The following SYPL1 variants were observed in gnomAD, a reference collection of about 807,000 sequenced individuals.
SYPL1 encodes synaptophysin like 1.
In SYPL1, 6 loss-of-function variants were observed where a neutral mutation model predicts 23.7. That is an observed-to-expected ratio of 0.25 (90% CI 0.14 to 0.50). SYPL1 has a LOEUF of 0.50. Among genes scored for constraint, SYPL1 ranks in the 20% least tolerant of loss-of-function variants. SYPL1 has a pLI of 0.98. For synonymous variants in SYPL1, 102 were observed against 104.5 expected, an observed-to-expected ratio of 0.98 and a Z score of 0.15; for missense variants, 253 against 288.9, an observed-to-expected ratio of 0.88 and a Z score of 0.90.
chr7:106,095,288 G>C lies in SYPL1; in HGVS notation c.403-2151C>G, dbSNP rs1247732113. ...CTAAAAGGGCTTGTCCTCATTAATA[G>C]TACCTAAAAATTAATGTCATATTTG... On this transcript the variant is annotated intron_variant, in intron 3 of 4. Transcript: ENST00000455385. The surrounding 1 kb of genome is among the most constrained non-coding windows in gnomAD (Gnocchi z 4.3). 4.0e-5 allele frequency among the ~76,000 whole-genome samples: 6 copies of C among 151,750 alleles called. No homozygotes were observed. Among genetic ancestry groups the C allele is most frequent in the Non-Finnish European group, 8.8e-5 (6 of 67,974 alleles).
rs1839694966 is a variant in SYPL1 at position 106,090,883 on chromosome 7, C to T, written c.*922G>A. On this transcript the variant is annotated 3_prime_UTR_variant, in exon 5 of 5. Coordinates refer to ENST00000455385, the MANE Select transcript of SYPL1 (RefSeq NM_182715.4). ...ATCAATGCTAAACTCAAAATAGCAACTTCATTGACTCTCAATGGTAAATTT... is the reference window on the plus strand; with the variant it reads ...ATCAATGCTAAACTCAAAATAGCAATTTCATTGACTCTCAATGGTAAATTT... 1.3e-5 allele frequency: 2 copies of T among 152,188 alleles called. No individual in the cohort carries two copies. Among genetic ancestry groups the T allele is most frequent in the Non-Finnish European group, 2.9e-5 (2 of 68,026 alleles). The allele number at this position is 152,188 out of a possible 1,614,324, so 9.4% of individuals were successfully genotyped here.
chr7:106,096,042 T>C lies in SYPL1; in HGVS notation c.402+1648A>G, dbSNP rs1486538470. On this transcript the variant is annotated intron_variant, in intron 3 of 4. Coordinates refer to ENST00000455385, the MANE Select transcript of SYPL1 (RefSeq NM_182715.4). This position sits in a 1 kb window ranked among gnomAD's most constrained non-coding sequence, Gnocchi z 4.4. ...AATGGCAAGAAATAGCTTCTAGTTA[T>C]AAAGAATTTTAACAAAATATAATTA... Among the ~76,000 whole-genome samples the C allele has an allele frequency of 6.6e-6, 1 of 152,194 alleles. No individual in the cohort carries two copies. The highest frequency in any genetic ancestry group is 1.9e-4 in the East Asian group (1 of 5,206).
At position 106,112,244 on chromosome 7, in the gene SYPL1, C is replaced by T; in HGVS notation, c.-36G>A. 1.3e-6 allele frequency: 2 copies of T among 1,518,448 alleles called. No individual in the cohort carries two copies. Among genetic ancestry groups the T allele is most frequent in the Non-Finnish European group, 8.9e-7 (1 of 1,123,420 alleles). 94.1% of individuals were successfully genotyped at this position (1,518,448 alleles called of 1,614,324 possible). On this transcript the variant is annotated 5_prime_UTR_variant, in exon 1 of 5. Coordinates refer to ENST00000455385, the MANE Select transcript of SYPL1 (RefSeq NM_182715.4). ...AAGGAGGGAGAGAGAGTCAGGACGACGGGGCGGAGGAGGGGACCGACGAGA... is the reference window on the plus strand; with the variant it reads ...AAGGAGGGAGAGAGAGTCAGGACGATGGGGCGGAGGAGGGGACCGACGAGA...
chr7:106,105,751 G>A (rs1159490899), intron 1 of SYPL1, among the ~76,000 whole-genome samples: 2 of 152,110 alleles, frequency 1.3e-5, no homozygotes, highest in African/African-American at 4.8e-5. Context: ...TGTCAGTACA[G>A]CATGCTGGGT....
rs1175647156 is a variant in SYPL1 at position 106,097,628 on chromosome 7, G to GA, written c.402+61dup. On this transcript the variant is annotated intron_variant, in intron 3 of 4. Coordinates refer to ENST00000455385, the MANE Select transcript of SYPL1 (RefSeq NM_182715.4). This position sits in a 1 kb window ranked among gnomAD's most constrained non-coding sequence, Gnocchi z 4.6. ...CCAAGAATTTTTATTTCCAGTATAAGAAAATCTATATTTAGCTTATACAAA... is the reference window on the plus strand; with the variant it reads ...CCAAGAATTTTTATTTCCAGTATAAGAAAAATCTATATTTAGCTTATACAAA... 6.3e-6 allele frequency: 9 copies of GA among 1,419,752 alleles called. No homozygotes were observed. The African/African-American group carries it at 1.3e-4, about 21-fold the overall frequency. 87.9% of individuals were successfully genotyped at this position (1,419,752 alleles called of 1,614,324 possible). A position where few individuals can be genotyped will look rare whatever the true frequency, so the allele number is the denominator to read the frequency against.
Position 106,109,042 on chromosome 7 carries a change from C to CA in SYPL1, c.69+3097dup, listed in dbSNP as rs1790011848. ...GCAGTTAAAAACAAAAAACCAAAAA[C>CA]AAAAAAGAACAAAAAACCCCCACCA... On this transcript the variant is annotated intron_variant, in intron 1 of 4. Coordinates refer to ENST00000455385, the MANE Select transcript of SYPL1 (RefSeq NM_182715.4). This position sits in a 1 kb window ranked among gnomAD's most constrained non-coding sequence, Gnocchi z 4.3. Among the ~76,000 whole-genome samples the CA allele has an allele frequency of 6.6e-6, 1 of 152,026 alleles. No homozygotes were observed. The highest frequency in any genetic ancestry group is 6.6e-5 in the Admixed American group (1 of 15,266).
Position 106,095,349 on chromosome 7 carries a change from CTT to C in SYPL1, c.403-2214_403-2213del, listed in dbSNP as rs777606094. Among the ~76,000 whole-genome samples, 1 of 144,602 alleles carries C rather than the reference CTT, an allele frequency of 6.9e-6. No homozygotes were observed. The highest frequency in any genetic ancestry group is 2.5e-5 in the African/African-American group (1 of 39,578). The allele number at this position is 144,602 out of a possible 152,430, so 94.9% of individuals were successfully genotyped here. ...AAATTTTGGGTATCTCAAAAAAAACCTTTTTTTTTTTTTCCCCTGAGATGGAG... is the reference window on the plus strand; with the variant it reads ...AAATTTTGGGTATCTCAAAAAAAACCTTTTTTTTTTTCCCCTGAGATGGAG... On this transcript the variant is annotated intron_variant, in intron 3 of 4. Coordinates refer to ENST00000455385, the MANE Select transcript of SYPL1 (RefSeq NM_182715.4). The surrounding 1 kb of genome is among the most constrained non-coding windows in gnomAD (Gnocchi z 4.3).
intron 4 of SYPL1, 91 bp from the exon 5 acceptor site, chr7:106,092,030 T>A: frequency 7.8e-7 from 1 of 1,282,674 alleles, no homozygotes. Flanking sequence ...TTTAAATATT[T>A]AACATTTTTA....
chr7:106,092,485 A>G (rs1186715493), intron 4 of SYPL1: 1 of 249,712 alleles, frequency 4.0e-6, no homozygotes, highest in East Asian at 1.3e-4. Flanking sequence ...AGCCTGGCCA[A>G]TATGGTGAAA....
rs1278660415 is a variant in SYPL1, at chr7:106,099,243, T to C, written c.109A>G (p.Lys37Glu). Residue 37 changes from lysine (K) to glutamate (E), a missense_variant, in exon 2 of 5, where the codon AAG becomes GAG. Physicochemically the swap from Lys to Glu is moderately conservative, Grantham distance 56. Coordinates refer to ENST00000455385, the MANE Select transcript of SYPL1 (RefSeq NM_182715.4). ...IFAFATCGGF[K>E]GQTEIQVNCP... ...TTCACTTGAATTTCTGTTTGGCCCT[T>C]AAAACCTCCACAGGTGGCAAAAGCA... 1 of 1,613,824 alleles carries C rather than the reference T, an allele frequency of 6.2e-7. No homozygotes were observed. Among genetic ancestry groups the C allele is most frequent in the Admixed American group, 1.7e-5 (1 of 59,994 alleles).
chr7:106,104,833 T>G lies in SYPL1; in HGVS notation c.70-5551A>C, dbSNP rs1840510366. Among the ~76,000 whole-genome samples, 1 of 152,228 alleles carries G rather than the reference T, an allele frequency of 6.6e-6. No individual in the cohort carries two copies. The highest frequency in any genetic ancestry group is 1.5e-5 in the Non-Finnish European group (1 of 68,032). On this transcript the variant is annotated intron_variant, in intron 1 of 4. Transcript: ENST00000455385. The surrounding 1 kb of genome is among the most constrained non-coding windows in gnomAD (Gnocchi z 4.1). ...TTCTCCCTATATTCTACTGCTATTT[T>G]GATCTAGACTGGAAGTTATATACTG...
intron 1 of SYPL1, among the ~76,000 whole-genome samples, chr7:106,111,315 G>C (rs1790133530): frequency 6.6e-6 from 1 of 152,250 alleles, no homozygotes. Context: ...CAACTTGCCT[G>C]CAGAAATATG....
At position 106,091,916 on chromosome 7, in the gene SYPL1, T is replaced by G. The variant is rs1839749742; in HGVS notation, c.615A>C (p.Ile205=). ...VSVIFGFLNM[I]LWGGNAWFVY... is the part of the protein sequence containing the mutation. ...CAAACCAAGCATTTCCTCCCCAGAG[T>G]ATCATATTTAGAAAGCCAAATATCT... Residue 205 remains isoleucine (I), a synonymous_variant, in exon 5 of 5, where the codon ATA becomes ATC. Transcript: ENST00000455385. The surrounding 1 kb of genome is among the most constrained non-coding windows in gnomAD (Gnocchi z 5.0). 6.2e-7 allele frequency: 1 copy of G among 1,612,092 alleles called. No homozygotes were observed.
In SYPL1 at chr7:106,104,830, T is replaced by A. The variant is rs2116175982; in HGVS notation, c.70-5548A>T. Among the ~76,000 whole-genome samples, 1 of 152,332 alleles carries A rather than the reference T, an allele frequency of 6.6e-6. No individual in the cohort carries two copies. Among genetic ancestry groups the A allele is most frequent in the South Asian group, 2.1e-4 (1 of 4,828 alleles). ...CACTTCTCCCTATATTCTACTGCTA[T>A]TTTGATCTAGACTGGAAGTTATATA... On this transcript the variant is annotated intron_variant, in intron 1 of 4. Coordinates refer to ENST00000455385, the MANE Select transcript of SYPL1 (RefSeq NM_182715.4). This position sits in a 1 kb window ranked among gnomAD's most constrained non-coding sequence, Gnocchi z 4.1.
Position 106,093,073 on chromosome 7 carries a change from G to A in SYPL1, c.467C>T (p.Ala156Val), listed in dbSNP as rs780514403. The A allele has an allele frequency of 6.2e-7, 1 of 1,613,660 alleles. No homozygotes were observed. The highest frequency in any genetic ancestry group is 8.5e-7 in the Non-Finnish European group (1 of 1,179,806). ...AGTAGCTATTTTAATATCTGTCAGAGCTTTAGCCCAGGCTGAAGTGCTCAC... is the reference window on the plus strand; with the variant it reads ...AGTAGCTATTTTAATATCTGTCAGAACTTTAGCCCAGGCTGAAGTGCTCAC... ...WLVSTSAWAK[A>V]LTDIKIATGH... Residue 156 changes from alanine to valine, a missense_variant, in exon 4 of 5, where the codon GCT becomes GTT. Ala to Val is a moderately conservative substitution (Grantham distance 64). Transcript: ENST00000455385.
At chr7:106,112,549 C>T (rs762611278), upstream of SYPL1, 4 of 1,502,010 alleles carry the variant, frequency 2.7e-6, no homozygotes, top group Non-Finnish European at 2.7e-6. Context: ...GCCGCGCCCC[C>T]TTCCCTGCGG....
At chr7:106,108,764 T>C (rs1789993137) in intron 1 of SYPL1, among the ~76,000 whole-genome samples, 1 of 152,228 alleles carries the variant, frequency 6.6e-6, no homozygotes, top group Non-Finnish European at 1.5e-5. Context: ...CCGTATTTTC[T>C]GTTCTGTTTC....
At chr7:106,105,750 A>G (rs1299384564) in intron 1 of SYPL1, among the ~76,000 whole-genome samples, 6 of 152,190 alleles carry the variant, frequency 3.9e-5, no homozygotes, top group African/African-American at 1.4e-4. Flanking sequence ...ATGTCAGTAC[A>G]GCATGCTGGG....
rs554127823 is a variant in SYPL1, at chr7:106,096,124, A to T, written c.402+1566T>A. ...AAGATTTGAAAAGTCTGCAGAAGAC[A>T]CAGATTCCTAACAAGTATGTTGGAT... On this transcript the variant is annotated intron_variant, in intron 3 of 4. Transcript: ENST00000455385. This position sits in a 1 kb window ranked among gnomAD's most constrained non-coding sequence, Gnocchi z 4.4. Among the ~76,000 whole-genome samples, 2 of 152,346 alleles carry T rather than the reference A, an allele frequency of 1.3e-5. No homozygotes were observed. Among genetic ancestry groups the T allele is most frequent in the Admixed American group, 1.3e-4 (2 of 15,308 alleles).
Sources: gnomAD v4.1 joint callset for allele counts (sites outside exome capture counted in the v4.1 genomes callset) on GRCh38, gnomAD v4.1.1 for gene constraint, Gnocchi (gnomAD v3.1) non-coding constraint, MANE v1.5 for transcripts, NCBI Gene and HGNC (gene_info 2026-07-23, HGNC 2026-07-21) for gene names.